The following DLGAP1 variants were observed in gnomAD, a reference collection of about 807,000 sequenced individuals.
DLGAP1 encodes the protein DLG associated protein 1.
DLGAP1 carries 11 observed loss-of-function variants against 90.8 expected under a neutral mutation model. That is an observed-to-expected ratio of 0.12 (90% CI 0.08 to 0.20). The LOEUF is 0.20. DLGAP1 is among the 10% of genes least tolerant of loss of function. The probability of loss-of-function intolerance (pLI) is 1.00; values close to 1 mark genes in which losing one functional copy is unlikely to be tolerated. For missense variants in DLGAP1, 1,050 were observed against 1,333.8 expected, an observed-to-expected ratio of 0.79 and a Z score of 3.31; for synonymous variants, 558 against 540.7, an observed-to-expected ratio of 1.03 and a Z score of -0.44.
intron 7 of DLGAP1, among the ~76,000 whole-genome samples, chr18:3,592,525 G>A (rs1435886077): frequency 1.3e-5 from 2 of 152,174 alleles, no homozygotes; most frequent in Non-Finnish European, 2.9e-5. Context: ...TCTGTGTACT[G>A]GACACTGTGC....
intron 1 of DLGAP1, among the ~76,000 whole-genome samples, chr18:4,356,141 T>C (rs2081509928): frequency 6.6e-6 from 1 of 152,028 alleles, no homozygotes; most frequent in East Asian, 1.9e-4. Context: ...AGGAGGACTT[T>C]GTCTTCACTT....
rs1005407995 is a variant in DLGAP1 at position 4,394,626 on chromosome 18, T to G, written c.-267+60380A>C. ...TAATTATTTATGAAAACGTAGGTTTTAAATGAAAACTACAGTTTATTGTTA... is the reference window on the plus strand; with the variant it reads ...TAATTATTTATGAAAACGTAGGTTTGAAATGAAAACTACAGTTTATTGTTA... On this transcript the variant is annotated intron_variant, in intron 1 of 12. Coordinates refer to ENST00000315677, the MANE Select transcript of DLGAP1 (RefSeq NM_004746.4). Among the ~76,000 whole-genome samples, 3 of 152,336 alleles carry G rather than the reference T, an allele frequency of 2.0e-5. No homozygotes were observed. The East Asian group carries it at 5.8e-4, about 29-fold the overall frequency.
chr18:3,590,408 G>T (rs796948878), intron 7 of DLGAP1, among the ~76,000 whole-genome samples: 4 of 152,190 alleles, frequency 2.6e-5, no homozygotes, highest in African/African-American at 9.6e-5. Context: ...TGAAATCCAG[G>T]TTCCCCCCTG....
intron 5 of DLGAP1, among the ~76,000 whole-genome samples, chr18:3,755,534 C>T (rs2063684182): frequency 6.6e-6 from 1 of 151,910 alleles, no homozygotes; most frequent in South Asian, 2.1e-4. Context: ...AATTTCAGAC[C>T]AAATATACTT....
At chr18:4,111,556 G>T (rs183382903) in intron 2 of DLGAP1, among the ~76,000 whole-genome samples, 1 of 152,036 alleles carries the variant, frequency 6.6e-6, no homozygotes, top group East Asian at 1.9e-4. Flanking sequence ...CTGAACTATG[G>T]ATTTTCTTTA....
At chr18:3,897,965 T>TTTTGTA (rs1373489371) in intron 3 of DLGAP1, among the ~76,000 whole-genome samples, 2 of 151,610 alleles carry the variant, frequency 1.3e-5, no homozygotes, top group Non-Finnish European at 2.9e-5. Context: ...CGGCTAATTT[T>TTTTGTA]TTGTATTTTT....
intron 5 of DLGAP1, among the ~76,000 whole-genome samples, chr18:3,769,110 A>G (rs575671329): frequency 2.2e-4 from 33 of 152,298 alleles, no homozygotes; most frequent in African/African-American, 7.9e-4. Context: ...GGCAAAACTC[A>G]TGAAGAAACA....
intron 5 of DLGAP1, among the ~76,000 whole-genome samples, chr18:3,765,116 A>ATTTTTTTTTT (rs1240799372): frequency 8.3e-6 from 1 of 120,832 alleles, no homozygotes; most frequent in Non-Finnish European, 1.7e-5. Context: ...ACACTTGCAA[A>ATTTTTTTTTT]CTTTTTTTTT....
chr18:4,367,541 T>A (rs117082937), intron 1 of DLGAP1, among the ~76,000 whole-genome samples: 2,709 of 152,214 alleles, frequency 0.018, 46 homozygotes, highest in Non-Finnish European at 0.03. Flanking sequence ...CCAAAAAAAA[T>A]TATATGTAGG....
At chr18:3,889,782 G>C (rs1423689154) in intron 3 of DLGAP1, among the ~76,000 whole-genome samples, 1 of 152,172 alleles carries the variant, frequency 6.6e-6, no homozygotes, top group African/African-American at 2.4e-5. Flanking sequence ...ACTGGACTCT[G>C]GTAAGCTTCA....
intron 1 of DLGAP1, among the ~76,000 whole-genome samples, chr18:4,427,774 T>C (rs1189186075): frequency 1.3e-5 from 2 of 152,156 alleles, no homozygotes; most frequent in Non-Finnish European, 2.9e-5. Context: ...GAGTTCTGAG[T>C]AGATCACAAG....
chr18:3,685,947 G>A (rs985866536), intron 7 of DLGAP1, among the ~76,000 whole-genome samples: 3 of 152,240 alleles, frequency 2.0e-5, no homozygotes, highest in Admixed American at 2.0e-4. Context: ...GCCAAGGCAG[G>A]AGGATCACCT....
intron 2 of DLGAP1, among the ~76,000 whole-genome samples, chr18:4,014,819 G>A (rs1046600218): frequency 2.1e-4 from 32 of 152,234 alleles, no homozygotes; most frequent in Admixed American, 1.8e-3. Flanking sequence ...TAGACACTGC[G>A]GAAGTATTTT....
chr18:3,640,547 C>G (rs780615952), intron 7 of DLGAP1, among the ~76,000 whole-genome samples: 1 of 152,194 alleles, frequency 6.6e-6, no homozygotes, highest in Non-Finnish European at 1.5e-5. Context: ...GTGGAGACAC[C>G]GGCAGGTCAG....
At chr18:4,315,960 A>C (rs1192687357) in intron 1 of DLGAP1, among the ~76,000 whole-genome samples, 1 of 152,222 alleles carries the variant, frequency 6.6e-6, no homozygotes, top group East Asian at 1.9e-4. Context: ...ATCACTATTA[A>C]AAATTTATCA....
intron 1 of DLGAP1, among the ~76,000 whole-genome samples, chr18:4,377,046 T>C (rs1225451134): frequency 6.6e-6 from 1 of 152,112 alleles, no homozygotes; most frequent in Non-Finnish European, 1.5e-5. Flanking sequence ...CTTCCCAACA[T>C]ATTAAACTTT....
intron 7 of DLGAP1, among the ~76,000 whole-genome samples, chr18:3,645,950 C>T (rs1281340934): frequency 1.3e-5 from 2 of 152,166 alleles, no homozygotes; most frequent in Non-Finnish European, 2.9e-5. Flanking sequence ...TGCCACAGAC[C>T]TCAGCAGCCT....
At chr18:3,842,326 T>C (rs1196453764) in intron 4 of DLGAP1, among the ~76,000 whole-genome samples, 2 of 152,288 alleles carry the variant, frequency 1.3e-5, no homozygotes, top group East Asian at 1.9e-4. Flanking sequence ...CTCTAAGTCA[T>C]GTTTAAAAGT....
At chr18:3,882,408 C>A (rs562593720) in intron 3 of DLGAP1, among the ~76,000 whole-genome samples, 2 of 151,586 alleles carry the variant, frequency 1.3e-5, no homozygotes, top group Non-Finnish European at 2.9e-5. Context: ...TGGTGCATGC[C>A]TGTAGTCCCA....
Sources: gnomAD v4.1 joint callset for allele counts (sites outside exome capture counted in the v4.1 genomes callset) on GRCh38, gnomAD v4.1.1 for gene constraint, MANE v1.5 for transcripts, NCBI Gene and HGNC (gene_info 2026-07-23, HGNC 2026-07-21) for gene names.